Variants in CEP162 observed in about 807,000 individuals in gnomAD.
CEP162 encodes centrosomal protein 162.
A neutral mutation model predicts 169.2 loss-of-function variants in CEP162; 141 were observed. The ratio of observed to expected loss-of-function variants is 0.83; its 90% CI spans 0.73 to 0.96. The LOEUF (loss-of-function observed/expected upper bound fraction) is 0.96. Ranked by LOEUF, CEP162 falls within the 40% of genes least tolerant of loss-of-function variation. CEP162 has a pLI of 0.00. For missense variants in CEP162, 1,600 were observed against 1,587.2 expected (o/e 1.01, Z -0.14); for synonymous variants, 540 against 526.4 (o/e 1.03, Z -0.35).
At chr6:84,150,585 G>A (rs73750525) in intron 23 of CEP162, among the ~76,000 whole-genome samples, 6,678 of 151,984 alleles carry the variant, frequency 0.044, 474 homozygotes, top group African/African-American at 0.15. Flanking sequence ...TCTAAATATT[G>A]GACTAGAAAA....
At chr6:84,145,948 CTTA>C (rs1192405931) in intron 25 of CEP162, among the ~76,000 whole-genome samples, 1 of 152,114 alleles carries the variant, frequency 6.6e-6, no homozygotes, top group Non-Finnish European at 1.5e-5. Context: ...AGAAATGCCT[CTTA>C]TTAGATCACC....
intron 13 of CEP162, among the ~76,000 whole-genome samples, chr6:84,181,547 A>C (rs1374635599): frequency 1.2e-4 from 18 of 152,200 alleles, no homozygotes; most frequent in Admixed American, 1.2e-3. Flanking sequence ...ATCCTTTTAC[A>C]CATGAAAAAA....
At chr6:84,160,041 C>T (rs948599796) in intron 21 of CEP162, among the ~76,000 whole-genome samples, 2 of 152,044 alleles carry the variant, frequency 1.3e-5, no homozygotes, top group African/African-American at 4.8e-5. Context: ...GGATAATATT[C>T]AGCCCAGTAA....
rs774967808 is a variant in CEP162, at chr6:84,175,228, T to C, written c.1783A>G (p.Ile595Val). Residue 595 changes from isoleucine (I) to valine (V), a missense_variant, in exon 14 of 27, where the codon ATT becomes GTT. Coordinates refer to ENST00000403245, the MANE Select transcript of CEP162 (RefSeq NM_014895.4). Reference protein sequence around the residue: ...SENPTETDSCIQFQTDSLGYC... With the variant: ...SENPTETDSCVQFQTDSLGYC... ...TGAATACCTACAGTCTGAAACTGAA[T>C]ACAGGAATCAGTTTCTGTGGGATTT... 3 of 1,538,820 alleles carry C rather than the reference T, an allele frequency of 1.9e-6. No individual in the cohort carries two copies. Among genetic ancestry groups the C allele is most frequent in the Non-Finnish European group, 8.8e-7 (1 of 1,139,880 alleles).
At chr6:84,138,950 G>A (rs542778776) in intron 25 of CEP162, among the ~76,000 whole-genome samples, 2 of 152,276 alleles carry the variant, frequency 1.3e-5, no homozygotes, top group Non-Finnish European at 2.9e-5. Context: ...ATTGTAGAGT[G>A]TTTTTACATT....
At chr6:84,207,414 G>A (rs1338486896) in intron 6 of CEP162, among the ~76,000 whole-genome samples, 3 of 152,112 alleles carry the variant, frequency 2.0e-5, no homozygotes, top group Non-Finnish European at 4.4e-5. Flanking sequence ...CATGTCCTTT[G>A]TAGGGACATG....
rs569221504 is a variant in CEP162 at position 84,209,017 on chromosome 6, G to C, written c.571+3940C>G. ...GACACTGAACTTGGACAACTACTTA[G>C]GATTTGGGAACTAATAGGAGGCGCT... On this transcript the variant is annotated intron_variant, in intron 6 of 26. Coordinates refer to ENST00000403245, the MANE Select transcript of CEP162 (RefSeq NM_014895.4). Among the ~76,000 whole-genome samples, 4 of 152,322 alleles carry C rather than the reference G, an allele frequency of 2.6e-5. No individual in the cohort carries two copies. In the South Asian group the frequency reaches 6.2e-4, roughly 24 times the overall value.
At chr6:84,221,777 T>G (rs945024340) in intron 2 of CEP162, among the ~76,000 whole-genome samples, 1 of 152,052 alleles carries the variant, frequency 6.6e-6, no homozygotes, top group Admixed American at 6.6e-5. Context: ...ATAAAAACCT[T>G]CAAACACCAC....
Position 84,146,897 on chromosome 6 carries a change from T to G in CEP162, c.3772-112A>C, listed in dbSNP as rs1179754070. The G allele has an allele frequency of 3.5e-5, 16 of 459,712 alleles. No homozygotes were observed. The East Asian group carries it at 5.4e-4, about 16-fold the overall frequency. 28.5% of individuals were successfully genotyped at this position (459,712 alleles called of 1,614,324 possible). ...AACTCTTATATACTGTTGGTGGGAA[T>G]GTAAGTAAGCACAGCTACTATGGAA... On this transcript the variant is annotated intron_variant, in intron 24 of 26. Coordinates refer to ENST00000403245, the MANE Select transcript of CEP162 (RefSeq NM_014895.4).
chr6:84,214,273 C>A (rs924980660), intron 5 of CEP162, among the ~76,000 whole-genome samples: 20 of 152,024 alleles, frequency 1.3e-4, no homozygotes, highest in Non-Finnish European at 2.5e-4. Context: ...AGCGAGACTC[C>A]GTCTCAAAAA....
At chr6:84,205,825 T>C (rs1467349527) in intron 6 of CEP162, among the ~76,000 whole-genome samples, 4 of 150,770 alleles carry the variant, frequency 2.7e-5, no homozygotes, top group Admixed American at 2.6e-4. Flanking sequence ...AATACCCCAC[T>C]GTCTCAGCCC....
intron 21 of CEP162, among the ~76,000 whole-genome samples, chr6:84,158,112 T>C (rs563607570): frequency 6.6e-6 from 1 of 152,334 alleles, no homozygotes; most frequent in East Asian, 1.9e-4. Flanking sequence ...AAAACTATTA[T>C]GGTGAAGATA....
chr6:84,142,195 T>C (rs576589454), intron 25 of CEP162, among the ~76,000 whole-genome samples: 32 of 152,268 alleles, frequency 2.1e-4, no homozygotes, highest in Admixed American at 1.9e-3. Context: ...AAATGAAAAA[T>C]TTTAAGTCTT....
At chr6:84,184,127 T>G (rs2099536081) in intron 13 of CEP162, among the ~76,000 whole-genome samples, 1 of 152,160 alleles carries the variant, frequency 6.6e-6, no homozygotes, top group Non-Finnish European at 1.5e-5. Context: ...TCTTCCACTG[T>G]GCACCAGATC....
At chr6:84,227,049 CTAT>C (rs1167316411) in intron 1 of CEP162, among the ~76,000 whole-genome samples, 2 of 152,230 alleles carry the variant, frequency 1.3e-5, no homozygotes, top group African/African-American at 4.8e-5. Context: ...CAAATCAGTA[CTAT>C]GTTTCTTTTG....
At chr6:84,169,286 A>G (rs2099529036) in intron 18 of CEP162, 42 bp downstream of exon 18, 1 of 1,091,378 alleles carries the variant, frequency 9.2e-7, no homozygotes, top group Non-Finnish European at 1.3e-6. Flanking sequence ...TTTTTATAAA[A>G]CCTTTATTAT....
At chr6:84,203,401 C>T (rs1466707253) in intron 7 of CEP162, among the ~76,000 whole-genome samples, 1 of 152,176 alleles carries the variant, frequency 6.6e-6, no homozygotes. Context: ...ATTAAGCTTT[C>T]AATTTCTAAA....
chr6:84,155,131 C>T (rs186544412), intron 22 of CEP162, among the ~76,000 whole-genome samples, 167 bp downstream of exon 22: 127 of 152,206 alleles, frequency 8.3e-4, no homozygotes, highest in African/African-American at 2.7e-3. Flanking sequence ...TGCTGAAAGA[C>T]GACACCAAAA....
At chr6:84,126,345 C>A in intron 26 of CEP162, 33 bp downstream of exon 26, 1 of 1,508,296 alleles carries the variant, frequency 6.6e-7, no homozygotes, top group Non-Finnish European at 8.9e-7. Flanking sequence ...AAAGTAAAGA[C>A]CTATATAAAT....
Sources: allele counts gnomAD v4.1 joint callset (sites outside exome capture counted in the v4.1 genomes callset), GRCh38; gene constraint gnomAD v4.1.1; transcripts MANE v1.5; gene names NCBI Gene and HGNC (gene_info 2026-07-23, HGNC 2026-07-21).